SRFBP1: variants seen among roughly 807,000 people sequenced by gnomAD.
The protein encoded by SRFBP1 is serum response factor-binding protein 1.
A neutral mutation model predicts 45.5 loss-of-function variants in SRFBP1; 47 were observed. The ratio of observed to expected loss-of-function variants is 1.03; its 90% confidence interval spans 0.82 to 1.32. The LOEUF (loss-of-function observed/expected upper bound fraction) is 1.32. Among genes scored for constraint, SRFBP1 ranks in the 40% most tolerant of loss-of-function variants. The pLI is 0.00. For synonymous variants in SRFBP1, 203 were observed against 166.3 expected (o/e 1.22, Z -1.70); for missense variants, 621 against 484.6 (o/e 1.28, Z -2.64).
chr5:122,077,198 G>T (rs574961479), downstream of SRFBP1: 11 of 1,471,994 alleles, frequency 7.5e-6, no homozygotes, highest in African/African-American at 1.3e-4. The surrounding 1 kb of genome is among the most constrained non-coding windows in gnomAD (Gnocchi z 4.9). Flanking sequence ...CCAGACGCGC[G>T]GTTTGCACTG....
intron 2 of SRFBP1, among the ~76,000 whole-genome samples, chr5:122,058,546 G>GTGTGTGTGTGTGTGTGTGTT (rs1561411729): frequency 6.6e-6 from 1 of 151,210 alleles, no homozygotes; most frequent in African/African-American, 2.4e-5. Context: ...GTGTGTGTGT[G>GTGTGTGTGTGTGTGTGTGTT]TGTGTGTGTG....
intron 4 of SRFBP1, among the ~76,000 whole-genome samples, chr5:122,013,183 A>G (rs1031144881): frequency 2.0e-5 from 3 of 152,032 alleles, no homozygotes; most frequent in African/African-American, 7.2e-5. Flanking sequence ...TGTGTCAAGC[A>G]CTCACTATGT....
At chr5:121,977,027 TAGAA>T (rs887116528) in intron 3 of SRFBP1, among the ~76,000 whole-genome samples, 5 of 152,000 alleles carry the variant, frequency 3.3e-5, no homozygotes, top group African/African-American at 4.8e-5. Context: ...TTTGATTAAT[TAGAA>T]AGAAAAGTTG....
At position 121,992,516 on chromosome 5, in the gene SRFBP1, A is replaced by T. The variant is rs149816258; in HGVS notation, c.199-2083A>T. Among the ~76,000 whole-genome samples, 326 of 152,174 alleles carry T rather than the reference A, an allele frequency of 2.1e-3. 2 individuals carry two copies. The highest frequency in any genetic ancestry group is 7.4e-3 in the African/African-American group (308 of 41,546). ...TAATCCAGGATAATAACTCCATCTT[A>T]AAAAATTCTTAACTTAATTACATCA... On this transcript the variant is annotated intron_variant, in intron 3 of 7. Transcript: ENST00000339397.
intron 2 of SRFBP1, among the ~76,000 whole-genome samples, chr5:122,048,925 T>C (rs2152576592): frequency 6.6e-6 from 1 of 152,312 alleles, no homozygotes; most frequent in South Asian, 2.1e-4. Context: ...ATCTATTTGA[T>C]TCTTCTCTCT....
chr5:122,061,848 A>C (rs1342859038), intron 2 of SRFBP1, among the ~76,000 whole-genome samples: 1 of 151,988 alleles, frequency 6.6e-6, no homozygotes, highest in Admixed American at 6.6e-5. Flanking sequence ...AGCAGGCAGT[A>C]AATTAGTGAG....
intron 4 of SRFBP1, among the ~76,000 whole-genome samples, chr5:122,018,883 G>A (rs942411411): frequency 4.6e-5 from 7 of 152,060 alleles, no homozygotes; most frequent in African/African-American, 1.7e-4. Context: ...GCACTAATAT[G>A]TTATTTGATT....
At chr5:121,995,799 A>C (rs1285871975) in intron 4 of SRFBP1, among the ~76,000 whole-genome samples, 1 of 151,538 alleles carries the variant, frequency 6.6e-6, no homozygotes, top group Non-Finnish European at 1.5e-5. Context: ...GAGAAGAATC[A>C]AATAGACACA....
chr5:122,034,438 C>G (rs943168117), intron 2 of SRFBP1, among the ~76,000 whole-genome samples: 1 of 151,452 alleles, frequency 6.6e-6, no homozygotes, highest in African/African-American at 2.4e-5. Flanking sequence ...TTTTAATGCC[C>G]TTAGCGCCCC....
chr5:121,970,628 T>C (rs1239259261), intron 1 of SRFBP1, among the ~76,000 whole-genome samples: 2 of 152,010 alleles, frequency 1.3e-5, no homozygotes, highest in East Asian at 3.8e-4. Context: ...TGAAACAAAT[T>C]CCTAAGAGGT....
At chr5:122,026,591 A>C (rs1228270384) in intron 7 of SRFBP1, among the ~76,000 whole-genome samples, 1 of 152,196 alleles carries the variant, frequency 6.6e-6, no homozygotes, top group East Asian at 1.9e-4. Context: ...TAAGCTAATG[A>C]TGTTCCTTTG....
chr5:121,980,163 T>C (rs1752379743), intron 3 of SRFBP1, among the ~76,000 whole-genome samples: 1 of 152,196 alleles, frequency 6.6e-6, no homozygotes, highest in Non-Finnish European at 1.5e-5. Flanking sequence ...TTTTAGCCTT[T>C]CTTTTGTGTT....
chr5:122,033,643 G>A (rs973832448), intron 2 of SRFBP1, among the ~76,000 whole-genome samples: 2 of 151,390 alleles, frequency 1.3e-5, no homozygotes, highest in Admixed American at 1.3e-4. Flanking sequence ...AGTTTTAGTA[G>A]AGATGGCGTT....
intron 4 of SRFBP1, among the ~76,000 whole-genome samples, chr5:121,995,467 G>A (rs1010263832): frequency 4.6e-5 from 7 of 152,094 alleles, no homozygotes; most frequent in East Asian, 1.9e-4. Context: ...TGAAACCAAC[G>A]AGAACAAAGA....
intron 4 of SRFBP1, among the ~76,000 whole-genome samples, chr5:122,014,269 T>C (rs1448866452): frequency 6.6e-6 from 1 of 152,168 alleles, no homozygotes; most frequent in Non-Finnish European, 1.5e-5. Flanking sequence ...ACAAATTGCA[T>C]ATAATTATAG....
chr5:122,029,667 G>A (rs1753559246), downstream of SRFBP1, among the ~76,000 whole-genome samples: 1 of 152,130 alleles, frequency 6.6e-6, no homozygotes, highest in Admixed American at 6.5e-5. Context: ...GAAACTTCAG[G>A]CAGTGAGCTG....
At chr5:122,025,009 G>T (rs963750761) in intron 7 of SRFBP1, among the ~76,000 whole-genome samples, 2 of 150,540 alleles carry the variant, frequency 1.3e-5, no homozygotes, top group Non-Finnish European at 2.9e-5. Flanking sequence ...TGTGCACAAC[G>T]TGCAGATTTG....
Position 122,027,278 on chromosome 5 carries a change from T to G in SRFBP1, c.*152T>G. On this transcript the variant is annotated 3_prime_UTR_variant, in exon 8 of 8. Coordinates refer to ENST00000339397, the MANE Select transcript of SRFBP1 (RefSeq NM_152546.3). ...TGGGCTCAAGTGATCCTCCCACCTCTGCCTCCCAAAGGGCTGGGACTGCAG... is the reference window on the plus strand; with the variant it reads ...TGGGCTCAAGTGATCCTCCCACCTCGGCCTCCCAAAGGGCTGGGACTGCAG... The G allele has an allele frequency of 1.7e-6, 1 of 587,790 alleles. No individual in the cohort carries two copies. The allele number at this position is 587,790 out of a possible 1,614,324, so 36.4% of individuals were successfully genotyped here.
chr5:122,036,309 G>T (rs1753691418), intron 2 of SRFBP1, among the ~76,000 whole-genome samples: 1 of 152,182 alleles, frequency 6.6e-6, no homozygotes, highest in Admixed American at 6.5e-5. Context: ...CAATCATACA[G>T]GTGATTTATA....
Sources: allele counts gnomAD v4.1 joint callset (sites outside exome capture counted in the v4.1 genomes callset), GRCh38; gene constraint gnomAD v4.1.1; non-coding constraint Gnocchi (gnomAD v3.1); transcripts MANE v1.5; gene names NCBI Gene and HGNC (gene_info 2026-07-23, HGNC 2026-07-21).